NME7: variants seen among roughly 807,000 people sequenced by gnomAD.
NME7 encodes the protein nucleoside diphosphate kinase 7.
In NME7, 41 loss-of-function variants were observed where a neutral mutation model predicts 49.1. The ratio of observed to expected loss-of-function variants is 0.83; its 90% CI spans 0.65 to 1.08. The LOEUF (loss-of-function observed/expected upper bound fraction) is 1.08. NME7 is among the 50% of genes least tolerant of loss of function. NME7 has a pLI of 0.00. For missense variants in NME7, 423 were observed against 463.4 expected, an observed-to-expected ratio of 0.91 and a Z score of 0.80; for synonymous variants, 139 against 150.6, an observed-to-expected ratio of 0.92 and a Z score of 0.56.
chr1:169,190,642 C>T (rs573174524), intron 10 of NME7: 14 of 435,356 alleles, frequency 3.2e-5, no homozygotes, highest in South Asian at 1.8e-4. Context: ...TTAATACTCA[C>T]GGAACAGAGA....
At chr1:169,254,440 A>T (rs139888440) in intron 7 of NME7, among the ~76,000 whole-genome samples, 10,041 of 150,926 alleles carry the variant, frequency 0.067, 1,369 homozygotes, top group East Asian at 0.66. Context: ...TGCGTCTATT[A>T]GATTCTTCTC....
chr1:169,167,513 A>G (rs1275123366), intron 11 of NME7, among the ~76,000 whole-genome samples: 1 of 152,160 alleles, frequency 6.6e-6, no homozygotes, highest in Non-Finnish European at 1.5e-5. Context: ...TTTAAAATCT[A>G]TAAGAAGTTA....
At chr1:169,213,813 A>C (rs1660898395) in intron 10 of NME7, among the ~76,000 whole-genome samples, 2 of 149,246 alleles carry the variant, frequency 1.3e-5, no homozygotes, top group African/African-American at 4.9e-5. Flanking sequence ...AAAATATAAA[A>C]ATAAAATAAA....
rs1040858161 is a variant in NME7 at position 169,280,835 on chromosome 1, C to A, written c.754+6468G>T. 8.0e-5 allele frequency among the ~76,000 whole-genome samples: 12 copies of A among 150,220 alleles called. 1 individual carries two copies. The highest frequency in any genetic ancestry group is 6.6e-4 in the Admixed American group (10 of 15,106). On this transcript the variant is annotated intron_variant, in intron 7 of 11. Coordinates refer to ENST00000367811, the MANE Select transcript of NME7 (RefSeq NM_013330.5). The stretch of plus-strand genomic sequence containing the variant: ...CTACATATCTGTTTTGGTATAAGTA[C>A]CATGCTGTTTTGGTTACTGTAGCCT...
At chr1:169,359,255 T>G (rs1653571512) in intron 1 of NME7, among the ~76,000 whole-genome samples, 1 of 152,132 alleles carries the variant, frequency 6.6e-6, no homozygotes, top group Non-Finnish European at 1.5e-5. Context: ...TTTGTTTTTA[T>G]TTGTATTTTT....
intron 11 of NME7, among the ~76,000 whole-genome samples, chr1:169,148,000 CT>C (rs1557961778): frequency 9.1e-5 from 10 of 110,002 alleles, no homozygotes; most frequent in African/African-American, 3.6e-4. Flanking sequence ...TTTCAAGTTT[CT>C]TTTATTTTAT....
At position 169,132,663 on chromosome 1, in the gene NME7, CTTG is replaced by C. The variant is rs1658266628; in HGVS notation, c.*119_*121del. ...TAATAATTGCCAGGAGTACAGTGCT[CTTG>C]TTGATCTTGTATTCAGTCAGGTTAA... On this transcript the variant is annotated 3_prime_UTR_variant, in exon 12 of 12. Coordinates refer to ENST00000367811, the MANE Select transcript of NME7 (RefSeq NM_013330.5). 1 of 876,020 alleles carries C rather than the reference CTTG, an allele frequency of 1.1e-6. No homozygotes were observed. Among genetic ancestry groups the C allele is most frequent in the Non-Finnish European group, 1.8e-6 (1 of 557,710 alleles). The allele number at this position is 876,020 out of a possible 1,614,324, so 54.3% of individuals were successfully genotyped here. A position where few individuals can be genotyped will look rare whatever the true frequency, so the allele number is the denominator to read the frequency against.
rs1162732020 is a variant in NME7 at position 169,275,232 on chromosome 1, G to A, written c.754+12071C>T. Among the ~76,000 whole-genome samples, 11 of 131,100 alleles carry A rather than the reference G, an allele frequency of 8.4e-5. 2 individuals carry two copies. Among genetic ancestry groups the A allele is most frequent in the African/African-American group, 2.8e-4 (11 of 38,892 alleles). 86.0% of individuals were successfully genotyped at this position (131,100 alleles called of 152,430 possible). A position where few individuals can be genotyped will look rare whatever the true frequency, so the allele number is the denominator to read the frequency against. On this transcript the variant is annotated intron_variant, in intron 7 of 11. Transcript: ENST00000367811. Reference sequence around the variant, plus strand: ...GTATTTTATTCTCTTTGAAGCAATTGTGAATGGGAGCTCACTCATGATTTG... The same window carrying A: ...GTATTTTATTCTCTTTGAAGCAATTATGAATGGGAGCTCACTCATGATTTG...
chr1:169,256,643 C>T (rs1648949575), intron 7 of NME7, among the ~76,000 whole-genome samples: 2 of 124,628 alleles, frequency 1.6e-5, no homozygotes, highest in Admixed American at 1.6e-4. Context: ...AGGCGCTCTG[C>T]TTTTTAGAGT....
rs1651919808 is a variant in NME7, at chr1:169,323,161, A to G, written c.234T>C (p.Tyr78=). The part of the protein sequence containing the change: ...VFSRQLVLID[Y]GDQYTARQLG... ...GCTGGCGAGCTGTATATTGATCCCCATAGTCAATTAATACCAGTTGTCGAG... is the reference window on the plus strand; with the variant it reads ...GCTGGCGAGCTGTATATTGATCCCCGTAGTCAATTAATACCAGTTGTCGAG... The change falls in exon 3 of 12, where the codon TAT becomes TAC. Residue 78 remains tyrosine (Y), a synonymous_variant. Transcript: ENST00000367811. 6.2e-7 allele frequency: 1 copy of G among 1,609,260 alleles called. No individual in the cohort carries two copies. The highest frequency in any genetic ancestry group is 8.5e-7 in the Non-Finnish European group (1 of 1,178,042).
In NME7 at chr1:169,294,971, G is replaced by A. The variant is rs530533110; in HGVS notation, c.648+3585C>T. On this transcript the variant is annotated intron_variant, in intron 6 of 11. Coordinates refer to ENST00000367811, the MANE Select transcript of NME7 (RefSeq NM_013330.5). ...TTAATGCCCTCCCTCCAAGGTGAGC[G>A]AATTTTCCCTCTATTAGTTCCTCTG... 4.6e-5 allele frequency among the ~76,000 whole-genome samples: 7 copies of A among 152,148 alleles called. No homozygotes were observed. The South Asian group carries it at 8.3e-4, about 18-fold the overall frequency.
chr1:169,269,715 G>A (rs1649430565), intron 7 of NME7, among the ~76,000 whole-genome samples: 1 of 133,178 alleles, frequency 7.5e-6, no homozygotes, highest in African/African-American at 2.5e-5. Flanking sequence ...GCGCCTACCA[G>A]TCTCATTTTA....
intron 11 of NME7, among the ~76,000 whole-genome samples, chr1:169,135,873 C>T (rs542396235): frequency 9.9e-5 from 15 of 152,064 alleles, no homozygotes; most frequent in Non-Finnish European, 1.9e-4. Context: ...GAATTCAGCT[C>T]TTTCATTTAG....
At chr1:169,301,627 A>T (rs1650942463) in intron 5 of NME7, among the ~76,000 whole-genome samples, 1 of 152,144 alleles carries the variant, frequency 6.6e-6, no homozygotes, top group Admixed American at 6.6e-5. Context: ...TCATACACTC[A>T]TTGCTGTGCT....
intron 4 of NME7, 69 bp from the exon 5 acceptor site, chr1:169,303,264 T>A: frequency 1.4e-6 from 1 of 690,992 alleles, no homozygotes; most frequent in Non-Finnish European, 2.3e-6. Context: ...TAGCTTACAT[T>A]AATAAAATTA....
chr1:169,324,660 C>T (rs1172532762), intron 1 of NME7, among the ~76,000 whole-genome samples, 160 bp from the exon 2 acceptor site: 1 of 152,244 alleles, frequency 6.6e-6, no homozygotes, highest in African/African-American at 2.4e-5. Flanking sequence ...GTTATCAACA[C>T]ACCCTCAGCA....
At chr1:169,356,426 C>T (rs544140200) in intron 1 of NME7, among the ~76,000 whole-genome samples, 41 of 151,966 alleles carry the variant, frequency 2.7e-4, no homozygotes, top group Middle Eastern at 3.4e-3. Context: ...TTTGAACATA[C>T]ATCTGAAAAA....
chr1:169,360,710 G>T (rs1480830479), intron 1 of NME7, among the ~76,000 whole-genome samples: 3 of 152,134 alleles, frequency 2.0e-5, no homozygotes, highest in African/African-American at 7.2e-5. Context: ...CAGCTTAAAA[G>T]TCACATCCTC....
chr1:169,244,450 G>A (rs1024777838), intron 7 of NME7, among the ~76,000 whole-genome samples: 11 of 151,654 alleles, frequency 7.3e-5, no homozygotes, highest in Admixed American at 2.0e-4. Context: ...TGGCTAACAC[G>A]GTGAAACCTC....
Sources: allele counts gnomAD v4.1 joint callset (sites outside exome capture counted in the v4.1 genomes callset), GRCh38; gene constraint gnomAD v4.1.1; transcripts MANE v1.5; gene names NCBI Gene and HGNC (gene_info 2026-07-23, HGNC 2026-07-21).